OLFML1: variants seen among roughly 807,000 people sequenced by gnomAD.
OLFML1 encodes the protein olfactomedin like 1, also known as olfactomedin-like protein 1.
OLFML1 carries 33 observed loss-of-function variants against 37.3 expected under a neutral mutation model. The observed-to-expected ratio is 0.88, with a 90% confidence interval of 0.67 to 1.18. The LOEUF (loss-of-function observed/expected upper bound fraction) is 1.18. Ranked by LOEUF, OLFML1 falls within the 50% of genes most tolerant of loss-of-function variation. The probability of loss-of-function intolerance (pLI) is 0.00; values close to 1 mark genes in which losing one functional copy is unlikely to be tolerated. For synonymous variants in OLFML1, 186 were observed against 181.3 expected (o/e 1.03, Z -0.21); for missense variants, 545 against 483.7 (o/e 1.13, Z -1.19).
intron 2 of OLFML1, among the ~76,000 whole-genome samples, chr11:7,500,352 C>G (rs1590061325): frequency 6.6e-6 from 1 of 152,320 alleles, no homozygotes; most frequent in East Asian, 1.9e-4. Context: ...GTCCCATAGT[C>G]TGTGACTAGG....
chr11:7,494,182 T>C (rs529959219), intron 2 of OLFML1, among the ~76,000 whole-genome samples: 1 of 152,324 alleles, frequency 6.6e-6, no homozygotes, highest in Admixed American at 6.5e-5. Context: ...AAAGGCATAA[T>C]TGGGCTCAGT....
intron 1 of OLFML1, among the ~76,000 whole-genome samples, chr11:7,487,320 T>C (rs190031136): frequency 1.6e-4 from 25 of 152,100 alleles, no homozygotes; most frequent in Admixed American, 5.9e-4. Flanking sequence ...GTCGGAGGGG[T>C]AGGAAAAAAG....
At chr11:7,486,496 T>C (rs1848525052) in intron 1 of OLFML1, among the ~76,000 whole-genome samples, 1 of 152,216 alleles carries the variant, frequency 6.6e-6, no homozygotes, top group Non-Finnish European at 1.5e-5. Flanking sequence ...TAAAAAGTCA[T>C]GATATCAATG....
At chr11:7,494,587 C>T (rs1007784492) in intron 2 of OLFML1, among the ~76,000 whole-genome samples, 2 of 152,252 alleles carry the variant, frequency 1.3e-5, no homozygotes, top group African/African-American at 4.8e-5. Context: ...ACACCCTCAC[C>T]TCTCCCATTG....
Position 7,503,571 on chromosome 11 carries a change from A to G in OLFML1, c.419-5827A>G, listed in dbSNP as rs575823686. The stretch of plus-strand genomic sequence containing the variant: ...ACCAGTGGAGAACTGAAGTCTGATT[A>G]GAATGGCTTAGAGGATCACTGGAAG... On this transcript the variant is annotated intron_variant, in intron 2 of 2. Coordinates refer to ENST00000329293, the MANE Select transcript of OLFML1 (RefSeq NM_198474.4). Among the ~76,000 whole-genome samples, 3 of 152,354 alleles carry G rather than the reference A, an allele frequency of 2.0e-5. No homozygotes were observed. The South Asian group carries it at 6.2e-4, about 32-fold the overall frequency.
At chr11:7,494,280 C>A (rs1247906242) in intron 2 of OLFML1, among the ~76,000 whole-genome samples, 1 of 152,156 alleles carries the variant, frequency 6.6e-6, no homozygotes, top group Non-Finnish European at 1.5e-5. Context: ...GAGCTAAGCT[C>A]CTTTGTGTTA....
intron 2 of OLFML1, among the ~76,000 whole-genome samples, chr11:7,504,135 G>T (rs1848754792): frequency 6.6e-6 from 1 of 152,064 alleles, no homozygotes; most frequent in Admixed American, 6.5e-5. Flanking sequence ...ACGGGAAAAG[G>T]TCTAAATGAC....
At chr11:7,496,272 TTTAACACTTTGG>T (rs1848661798) in intron 2 of OLFML1, among the ~76,000 whole-genome samples, 1 of 152,232 alleles carries the variant, frequency 6.6e-6, no homozygotes. Context: ...GCCTGGTCAC[TTTAACACTTTGG>T]TGTTCCAAGT....
intron 2 of OLFML1, among the ~76,000 whole-genome samples, chr11:7,490,132 TG>T (rs373866404): frequency 0.039 from 1,470 of 37,798 alleles, 23 homozygotes; most frequent in African/African-American, 0.1. Context: ...TAGGCTTTGG[TG>T]GGGGGGGGGG....
In OLFML1 at chr11:7,488,220, C is replaced by T. The variant is rs1848549610; in HGVS notation, c.223C>T (p.Gln75Ter). The change falls in exon 2 of 3, where the codon CAG becomes TAG. Residue 75 changes from glutamine (Q) to a stop codon, truncating the protein, a stop_gained. Transcript: ENST00000329293. LOFTEE classifies it high-confidence loss of function. ...TATATCTGTCATGCTGGGAAGATGTCAGACCTACACAAGTGAGTACAAGAG... is the reference window on the plus strand; with the variant it reads ...TATATCTGTCATGCTGGGAAGATGTTAGACCTACACAAGTGAGTACAAGAG... ...KNISVMLGRC[Q>*]TYTSEYKSAV... The T allele has an allele frequency of 4.3e-6, 7 of 1,613,678 alleles. No individual in the cohort carries two copies. In the East Asian group the frequency reaches 1.6e-4, roughly 36 times the overall value.
At chr11:7,493,156 AGG>A (rs1016511495) in intron 2 of OLFML1, among the ~76,000 whole-genome samples, 1 of 152,190 alleles carries the variant, frequency 6.6e-6, no homozygotes, top group African/African-American at 2.4e-5. Context: ...TTTTATTGCA[AGG>A]GTGCACAAAA....
At chr11:7,508,210 G>C (rs530981855) in intron 2 of OLFML1, among the ~76,000 whole-genome samples, 19 of 152,288 alleles carry the variant, frequency 1.2e-4, no homozygotes, top group African/African-American at 3.8e-4. Context: ...GAAGGGGTTG[G>C]CCTTGCTATC....
chr11:7,485,957 G>T lies in OLFML1; in HGVS notation c.82G>T (p.Asp28Tyr). 1 of 1,614,032 alleles carries T rather than the reference G, an allele frequency of 6.2e-7. No homozygotes were observed. Among genetic ancestry groups the T allele is most frequent in the Non-Finnish European group, 8.5e-7 (1 of 1,179,978 alleles). The change falls in exon 1 of 3, where the codon GAC becomes TAC. Residue 28 changes from aspartate (D) to tyrosine (Y), a missense_variant. By Grantham distance (160) the Asp-to-Tyr change is radical (BLOSUM62 -3). Transcript: ENST00000329293. The part of the protein sequence containing the change: ...AFLPPPQCTQ[D>Y]PAMVHYIYQR... Reference sequence around the variant, plus strand: ...TCTGCCCCCGCCGCAGTGTACCCAGGACCCAGCCATGGTGCATTACATCTA... The same window carrying T: ...TCTGCCCCCGCCGCAGTGTACCCAGTACCCAGCCATGGTGCATTACATCTA...
At chr11:7,490,545 G>T (rs1212298399) in intron 2 of OLFML1, among the ~76,000 whole-genome samples, 1 of 152,176 alleles carries the variant, frequency 6.6e-6, no homozygotes, top group African/African-American at 2.4e-5. Context: ...CTAGAGCTCA[G>T]TGGAGGTCCT....
At chr11:7,496,028 C>T (rs1028062005) in intron 2 of OLFML1, among the ~76,000 whole-genome samples, 2 of 152,204 alleles carry the variant, frequency 1.3e-5, no homozygotes, top group African/African-American at 4.8e-5. Flanking sequence ...GTTCAAACAA[C>T]AATCGTTTAT....
intron 2 of OLFML1, among the ~76,000 whole-genome samples, chr11:7,496,453 T>G (rs2134180358): frequency 6.6e-6 from 1 of 152,350 alleles, no homozygotes; most frequent in East Asian, 1.9e-4. Flanking sequence ...TGATTAACAG[T>G]TTTGAGGAAG....
At chr11:7,502,937 T>C (rs1848740756) in intron 2 of OLFML1, among the ~76,000 whole-genome samples, 1 of 152,208 alleles carries the variant, frequency 6.6e-6, no homozygotes, top group Admixed American at 6.5e-5. Context: ...AGAGAAGTTA[T>C]ACTATCAGGA....
chr11:7,498,423 A>T (rs1848687038), intron 2 of OLFML1, among the ~76,000 whole-genome samples: 1 of 152,186 alleles, frequency 6.6e-6, no homozygotes, highest in Non-Finnish European at 1.5e-5. Context: ...GAGGAAGTTG[A>T]TCAAGCACTC....
At chr11:7,506,467 G>A (rs943039731) in intron 2 of OLFML1, among the ~76,000 whole-genome samples, 6 of 152,178 alleles carry the variant, frequency 3.9e-5, no homozygotes, top group Admixed American at 3.9e-4. Context: ...TTTTTTCAAA[G>A]GAGTTAATCT....
Sources: allele counts gnomAD v4.1 joint callset (sites outside exome capture counted in the v4.1 genomes callset), GRCh38; gene constraint gnomAD v4.1.1; transcripts MANE v1.5; gene names NCBI Gene and HGNC (gene_info 2026-07-23, HGNC 2026-07-21).